The following INO80D variants were observed in gnomAD, a reference collection of about 807,000 sequenced individuals.
INO80D encodes INO80 complex subunit D.
In INO80D, 21 loss-of-function variants were observed where a neutral mutation model predicts 87.6. The observed-to-expected ratio is 0.24, with a 90% CI of 0.17 to 0.35. The LOEUF (loss-of-function observed/expected upper bound fraction) is 0.35. INO80D is among the 10% of genes least tolerant of loss of function. INO80D has a pLI of 1.00. For missense variants in INO80D, 982 were observed against 1,280.7 expected (o/e 0.77, Z 3.56); for synonymous variants, 440 against 491.0 (o/e 0.90, Z 1.37).
At chr2:206,050,886 G>A (rs1054599016) in intron 4 of INO80D, among the ~76,000 whole-genome samples, 1 of 150,492 alleles carries the variant, frequency 6.6e-6, no homozygotes, top group Non-Finnish European at 1.5e-5. Context: ...GGAGAATGGC[G>A]TGAACCCGGG....
intron 4 of INO80D, among the ~76,000 whole-genome samples, chr2:206,050,876 G>A (rs1052671399): frequency 3.3e-5 from 5 of 152,038 alleles, no homozygotes; most frequent in African/African-American, 4.8e-5. Context: ...GGCTGAAGCA[G>A]GAGAATGGCG....
chr2:206,069,298 C>T (rs1261406919), intron 1 of INO80D, among the ~76,000 whole-genome samples: 1 of 151,788 alleles, frequency 6.6e-6, no homozygotes, highest in Non-Finnish European at 1.5e-5. Flanking sequence ...ATATATTTTC[C>T]TTATGGTTTT....
At chr2:206,028,431 G>T in intron 5 of INO80D, 96 bp from the exon 6 acceptor site, 1 of 958,540 alleles carries the variant, frequency 1.0e-6, no homozygotes, top group Non-Finnish European at 1.6e-6. Context: ...TGAATGCACA[G>T]GTTTAAAACT....
intron 4 of INO80D, among the ~76,000 whole-genome samples, chr2:206,048,745 T>C (rs976724427): frequency 3.9e-5 from 6 of 151,992 alleles, no homozygotes; most frequent in Non-Finnish European, 7.4e-5. Flanking sequence ...AACTTAAAAA[T>C]TAGCCAGGCT....
intron 4 of INO80D, among the ~76,000 whole-genome samples, chr2:206,047,021 C>T (rs1689213877): frequency 6.6e-6 from 1 of 152,132 alleles, no homozygotes; most frequent in South Asian, 2.1e-4. Context: ...CCTCGTGATC[C>T]ACCCACCTCG....
chr2:206,002,623 A>G lies in INO80D; in HGVS notation c.*1745T>C, dbSNP rs796376894. The G allele has an allele frequency of 9.8e-5, 15 of 152,302 alleles. No homozygotes were observed. The highest frequency in any genetic ancestry group is 3.6e-4 in the African/African-American group (15 of 41,562). The allele number at this position is 152,302 out of a possible 1,614,324, so 9.4% of individuals were successfully genotyped here. The stretch of plus-strand genomic sequence containing the variant: ...GGTATCTGCATAATGCCTGCTGATC[A>G]CCATCATTCCTTTAAAAAGCAGAGA... On this transcript the variant is annotated 3_prime_UTR_variant, in exon 11 of 11. Coordinates refer to ENST00000403263, the MANE Select transcript of INO80D (RefSeq NM_017759.5).
intron 8 of INO80D, among the ~76,000 whole-genome samples, chr2:206,011,073 A>AC (rs1688161566): frequency 7.5e-6 from 1 of 133,906 alleles, no homozygotes; most frequent in Non-Finnish European, 1.7e-5. Flanking sequence ...AGCGAAACTC[A>AC]GTCTCAAAAA....
intron 4 of INO80D, among the ~76,000 whole-genome samples, chr2:206,052,281 G>A (rs1011635329): frequency 7.2e-5 from 11 of 152,154 alleles, no homozygotes; most frequent in African/African-American, 1.9e-4. Context: ...TCCGCTTCCC[G>A]GGTCCCAGTT....
At chr2:206,057,980 T>C (rs1472795508) in intron 3 of INO80D, among the ~76,000 whole-genome samples, 2 of 152,188 alleles carry the variant, frequency 1.3e-5, no homozygotes, top group Non-Finnish European at 2.9e-5. Context: ...ATCTCTGTTT[T>C]TCCAGAACTG....
In INO80D at chr2:206,054,183, C is replaced by CT. The variant is rs571731107; in HGVS notation, c.964+2014dup. On this transcript the variant is annotated intron_variant, in intron 4 of 10. Coordinates refer to ENST00000403263, the MANE Select transcript of INO80D (RefSeq NM_017759.5). ...AGCTATATAATATTTCTTTTCTTTTCTTTTTTTTTTTTTTATACAATAGAG... is the reference window on the plus strand; with the variant it reads ...AGCTATATAATATTTCTTTTCTTTTCTTTTTTTTTTTTTTTATACAATAGAG... Among the ~76,000 whole-genome samples the CT allele has an allele frequency of 4.4e-3, 623 of 140,126 alleles. 1 individual carries two copies. The highest frequency in any genetic ancestry group is 0.015 in the Middle Eastern group (4 of 268). 91.9% of individuals were successfully genotyped at this position (140,126 alleles called of 152,430 possible). A position where few individuals can be genotyped will look rare whatever the true frequency, so the allele number is the denominator to read the frequency against.
At chr2:206,025,015 A>G (rs1373649922) in intron 6 of INO80D, among the ~76,000 whole-genome samples, 1 of 151,930 alleles carries the variant, frequency 6.6e-6, no homozygotes, top group Non-Finnish European at 1.5e-5. Context: ...CGGCCTCCCA[A>G]ATCATGCTGG....
chr2:206,078,918 G>T (rs1342410809), intron 1 of INO80D, among the ~76,000 whole-genome samples: 1 of 152,136 alleles, frequency 6.6e-6, no homozygotes, highest in Non-Finnish European at 1.5e-5. Flanking sequence ...TCTAGGCTGG[G>T]CAACAGAGTG....
intron 5 of INO80D, among the ~76,000 whole-genome samples, chr2:206,038,349 G>A (rs1688945250): frequency 6.6e-6 from 1 of 152,188 alleles, no homozygotes. Flanking sequence ...GGTAAAAAGA[G>A]GTACCTGATA....
At chr2:206,059,798 A>AT (rs1689636627) in intron 3 of INO80D, among the ~76,000 whole-genome samples, 2 of 152,218 alleles carry the variant, frequency 1.3e-5, no homozygotes, top group South Asian at 4.1e-4. Context: ...GCTAGGTCCC[A>AT]TATATATCTT....
intron 8 of INO80D, among the ~76,000 whole-genome samples, chr2:206,013,932 G>A (rs1331620839): frequency 1.3e-5 from 2 of 151,650 alleles, no homozygotes. Context: ...ACCAAGCCGG[G>A]TGGATCACCT....
chr2:206,010,233 C>T (rs1688135386), intron 8 of INO80D, among the ~76,000 whole-genome samples: 2 of 150,688 alleles, frequency 1.3e-5, no homozygotes, highest in Admixed American at 1.3e-4. Flanking sequence ...TAGTGGAGCA[C>T]ATATTCATTA....
intron 5 of INO80D, among the ~76,000 whole-genome samples, chr2:206,031,128 C>T (rs1688754847): frequency 6.6e-6 from 1 of 152,054 alleles, no homozygotes; most frequent in East Asian, 1.9e-4. Flanking sequence ...GTGGTGCATC[C>T]CTGTAGTCCC....
intron 5 of INO80D, among the ~76,000 whole-genome samples, chr2:206,043,767 G>A (rs61313067): frequency 0.61 from 50,706 of 83,698 alleles, 9,027 homozygotes; most frequent in South Asian, 0.71. Flanking sequence ...GATTACAGGC[G>A]TGACGACTGT....
chr2:206,008,500 C>T (rs1365738585), intron 9 of INO80D, among the ~76,000 whole-genome samples: 1 of 150,908 alleles, frequency 6.6e-6, no homozygotes, highest in East Asian at 2.0e-4. Flanking sequence ...AGGCTGGTCT[C>T]GAACTCCTGA....
Sources: allele counts gnomAD v4.1 joint callset (sites outside exome capture counted in the v4.1 genomes callset), GRCh38; gene constraint gnomAD v4.1.1; transcripts MANE v1.5; gene names NCBI Gene and HGNC (gene_info 2026-07-23, HGNC 2026-07-21).